ZNF431: variants seen among roughly 807,000 people sequenced by gnomAD.
ZNF431 encodes zinc finger protein 431.
Under a neutral mutation model 57.0 loss-of-function variants are expected in ZNF431, and 34 were observed. The ratio of observed to expected loss-of-function variants is 0.60; its 90% CI spans 0.45 to 0.79. ZNF431 has a LOEUF of 0.79. Among genes scored for constraint, ZNF431 ranks in the 30% least tolerant of loss-of-function variants. ZNF431 has a pLI of 0.00. For synonymous variants in ZNF431, 207 were observed against 220.3 expected (o/e 0.94, Z 0.54); for missense variants, 607 against 667.1 (o/e 0.91, Z 0.99).
chr19:21,173,682 T>C (rs1013046366), intron 4 of ZNF431, among the ~76,000 whole-genome samples: 34 of 151,626 alleles, frequency 2.2e-4, no homozygotes, highest in Admixed American at 1.3e-3. Context: ...CCCGCCACCA[T>C]GCCAGGCTAA....
intron 2 of ZNF431, among the ~76,000 whole-genome samples, chr19:21,148,311 T>A (rs1970165657): frequency 6.6e-6 from 1 of 152,192 alleles, no homozygotes; most frequent in Admixed American, 6.5e-5. Flanking sequence ...TGAATCTTTA[T>A]AGACAAATCT....
intron 2 of ZNF431, among the ~76,000 whole-genome samples, chr19:21,144,840 T>C (rs1970037813): frequency 6.6e-6 from 1 of 152,174 alleles, no homozygotes; most frequent in African/African-American, 2.4e-5. Flanking sequence ...TTTTGCAGGG[T>C]GAATTTGTGA....
intron 2 of ZNF431, chr19:21,149,577 TTTC>T (rs1244600509): frequency 1.1e-4 from 10 of 91,686 alleles, no homozygotes; most frequent in African/African-American, 8.2e-4. Flanking sequence ...TGTCAATTTC[TTTC>T]TTTTTTTTGA....
chr19:21,180,355 C>G (rs956462934), intron 4 of ZNF431, among the ~76,000 whole-genome samples: 2 of 152,144 alleles, frequency 1.3e-5, no homozygotes, highest in African/African-American at 4.8e-5. Context: ...TTCAGGAGCT[C>G]TAGCAAGGCA....
intron 4 of ZNF431, among the ~76,000 whole-genome samples, chr19:21,175,086 C>CT (rs1218699739): frequency 6.6e-6 from 1 of 152,090 alleles, no homozygotes; most frequent in Non-Finnish European, 1.5e-5. Context: ...TAAAGTCTCA[C>CT]TCTGTCATCC....
In ZNF431 at chr19:21,187,142, G is replaced by A. The variant is rs182229061; in HGVS notation, c.*3108G>A. On this transcript the variant is annotated 3_prime_UTR_variant, in exon 5 of 5. Transcript: ENST00000311048. ...ATGGTGAAGATTGATTGTTCATATA[G>A]AGAGGACATTTTTTTTCCAGACTGT... 3.3e-5 allele frequency: 5 copies of A among 152,250 alleles called. No individual in the cohort carries two copies. The highest frequency in any genetic ancestry group is 2.6e-4 in the Admixed American group (4 of 15,280). 9.4% of individuals were successfully genotyped at this position (152,250 alleles called of 1,614,324 possible). A position where few individuals can be genotyped will look rare whatever the true frequency, so the allele number is the denominator to read the frequency against.
In ZNF431 at chr19:21,183,106, C is replaced by A; in HGVS notation, c.803C>A (p.Ala268Asp). ...KPFKCEECGK[A>D]FKQSSTLTTH... ...TTCAAATGTGAAGAATGTGGCAAAGCTTTTAAGCAGTCCTCAACCCTTACT... is the reference window on the plus strand; with the variant it reads ...TTCAAATGTGAAGAATGTGGCAAAGATTTTAAGCAGTCCTCAACCCTTACT... The change falls in exon 5 of 5, where the codon GCT becomes GAT. Residue 268 changes from alanine (A) to aspartate (D), a missense_variant. By Grantham distance (126) the Ala-to-Asp change is moderately radical. Coordinates refer to ENST00000311048, the MANE Select transcript of ZNF431 (RefSeq NM_133473.4). The A allele has an allele frequency of 6.2e-7, 1 of 1,613,832 alleles. No homozygotes were observed. The highest frequency in any genetic ancestry group is 8.5e-7 in the Non-Finnish European group (1 of 1,179,896).
intron 2 of ZNF431, among the ~76,000 whole-genome samples, chr19:21,146,109 A>C (rs987515093): frequency 6.6e-6 from 1 of 152,172 alleles, no homozygotes; most frequent in Non-Finnish European, 1.5e-5. Context: ...CCAAGCCCCA[A>C]AAGAGGGTTC....
chr19:21,154,905 T>A (rs1396272897), intron 2 of ZNF431, among the ~76,000 whole-genome samples: 2 of 152,210 alleles, frequency 1.3e-5, no homozygotes, highest in Admixed American at 6.5e-5. Flanking sequence ...AGTTCATTGC[T>A]GATTCTGGAT....
chr19:21,153,475 C>T (rs1251465706), intron 2 of ZNF431, among the ~76,000 whole-genome samples: 2 of 152,202 alleles, frequency 1.3e-5, no homozygotes, highest in Admixed American at 6.5e-5. Context: ...GTGTTTCTTT[C>T]CATAAACTAT....
chr19:21,143,526 G>C, intron 1 of ZNF431, 25 bp from the exon 2 acceptor site: 1 of 1,582,870 alleles, frequency 6.3e-7, no homozygotes, highest in Non-Finnish European at 8.7e-7. Context: ...GTGAATATCA[G>C]CTTCTGGTTT....
chr19:21,159,059 A>G (rs2144968638), intron 2 of ZNF431, among the ~76,000 whole-genome samples: 1 of 152,326 alleles, frequency 6.6e-6, no homozygotes, highest in South Asian at 2.1e-4. Flanking sequence ...TGTTTTTAGC[A>G]TCTATTGAGA....
At chr19:21,156,089 C>T (rs944534050) in intron 2 of ZNF431, among the ~76,000 whole-genome samples, 3 of 152,170 alleles carry the variant, frequency 2.0e-5, no homozygotes, top group African/African-American at 4.8e-5. Flanking sequence ...AGGCACCACC[C>T]TCAGGAATTT....
chr19:21,169,718 T>C lies in ZNF431; in HGVS notation c.319+2052T>C, dbSNP rs191603416. 21 of 398,376 alleles carry C rather than the reference T, an allele frequency of 5.3e-5. No homozygotes were observed. The East Asian group carries it at 7.5e-4, about 14-fold the overall frequency. The allele number at this position is 398,376 out of a possible 1,614,324, so 24.7% of individuals were successfully genotyped here. ...TTTCTGCAGTTGGCTCCTTATATAA[T>C]GGCCCTATCAGGATGTGAATGGGTT... is the stretch of plus-strand genomic sequence containing the variant. On this transcript the variant is annotated intron_variant, in intron 4 of 4. Coordinates refer to ENST00000311048, the MANE Select transcript of ZNF431 (RefSeq NM_133473.4).
intron 2 of ZNF431, among the ~76,000 whole-genome samples, chr19:21,148,219 A>G (rs895262368): frequency 5.3e-5 from 8 of 151,946 alleles, no homozygotes; most frequent in Non-Finnish European, 1.0e-4. Flanking sequence ...CTGGTCTCGA[A>G]CTCCTGACCT....
intron 2 of ZNF431, chr19:21,150,250 G>A: frequency 1.9e-6 from 1 of 513,330 alleles, no homozygotes; most frequent in Non-Finnish European, 3.7e-6. Context: ...ATGGCTCTTT[G>A]CTGCTGCAAC....
chr19:21,149,135 T>G (rs1970193094), intron 2 of ZNF431, among the ~76,000 whole-genome samples: 1 of 152,216 alleles, frequency 6.6e-6, no homozygotes, highest in Non-Finnish European at 1.5e-5. Flanking sequence ...ATACAACATC[T>G]TTTCTTATAT....
At chr19:21,167,249 C>T (rs1012598978) in intron 3 of ZNF431, among the ~76,000 whole-genome samples, 5 of 151,980 alleles carry the variant, frequency 3.3e-5, no homozygotes, top group African/African-American at 9.7e-5. Context: ...CCACCTCCGC[C>T]TCCCGGGTCC....
At position 21,143,580 on chromosome 19, in the gene ZNF431, C is replaced by G. The variant is rs1329610825; in HGVS notation, c.33C>G (p.Leu11=). The G allele has an allele frequency of 6.2e-7, 1 of 1,613,772 alleles. No individual in the cohort carries two copies. The highest frequency in any genetic ancestry group is 1.3e-5 in the African/African-American group (1 of 74,896). ...ACTTGAAATATGGAGTGTATCCTCTCAAGGAAGCAAGTGGATGCCCTGGGG... is the reference window on the plus strand; with the variant it reads ...ACTTGAAATATGGAGTGTATCCTCTGAAGGAAGCAAGTGGATGCCCTGGGG... The part of the protein sequence containing the change: MDDLKYGVYP[L]KEASGCPGAE... The change falls in exon 2 of 5, where the codon CTC becomes CTG. Residue 11 remains leucine (L), a synonymous_variant. Coordinates refer to ENST00000311048, the MANE Select transcript of ZNF431 (RefSeq NM_133473.4).
Sources: gnomAD v4.1 joint callset for allele counts (sites outside exome capture counted in the v4.1 genomes callset) on GRCh38, gnomAD v4.1.1 for gene constraint, MANE v1.5 for transcripts, NCBI Gene and HGNC (gene_info 2026-07-23, HGNC 2026-07-21) for gene names.